The following HHIPL1 variants were observed in gnomAD, a reference collection of about 807,000 sequenced individuals.
HHIPL1 encodes HHIP like 1.
Under a neutral mutation model 61.8 loss-of-function variants are expected in HHIPL1, and 43 were observed. The observed-to-expected ratio is 0.70, with a 90% CI of 0.55 to 0.90. The LOEUF (loss-of-function observed/expected upper bound fraction) is 0.90, where lower values mean the gene tolerates loss of function less well. Ranked by LOEUF, HHIPL1 falls within the 40% of genes least tolerant of loss-of-function variation. The probability of loss-of-function intolerance (pLI) is 0.00; values close to 1 mark genes in which losing one functional copy is unlikely to be tolerated. For synonymous variants in HHIPL1, 482 were observed against 515.8 expected (o/e 0.93, Z 0.89); for missense variants, 1,056 against 1,157.7 (o/e 0.91, Z 1.28).
At chr14:99,648,909 A>G (rs1020394944) in intron 1 of HHIPL1, among the ~76,000 whole-genome samples, 3 of 152,200 alleles carry the variant, frequency 2.0e-5, no homozygotes, top group African/African-American at 7.2e-5. Context: ...TGTCAGTGAC[A>G]TGGGGGTGGC....
chr14:99,619,800 C>T, the HHIPL1 span, among the ~76,000 whole-genome samples: 2 of 151,436 alleles, frequency 1.3e-5, no homozygotes, highest in South Asian at 4.2e-4. Flanking sequence ...CGCTGCTGAG[C>T]GCCAGTTCTG....
chr14:99,637,232 GA>G, the HHIPL1 span, among the ~76,000 whole-genome samples: 1 of 147,788 alleles, frequency 6.8e-6, no homozygotes, highest in African/African-American at 2.6e-5. Flanking sequence ...AAGAAAGAAA[GA>G]AAGAAAGAAA....
chr14:99,661,528 C>T (rs1806721903), intron 5 of HHIPL1, among the ~76,000 whole-genome samples: 1 of 151,788 alleles, frequency 6.6e-6, no homozygotes, highest in Non-Finnish European at 1.5e-5. Context: ...AATGCAGTGG[C>T]ACAGTCTCAG....
At chr14:99,652,133 G>T in intron 1 of HHIPL1, 91 bp from the exon 2 acceptor site, 1 of 1,200,644 alleles carries the variant, frequency 8.3e-7, no homozygotes, top group South Asian at 1.5e-5. Context: ...TCAGCAGACT[G>T]AGGCTCTGAG....
the HHIPL1 span, among the ~76,000 whole-genome samples, chr14:99,618,178 C>A: frequency 6.7e-4 from 102 of 152,264 alleles, no homozygotes; most frequent in African/African-American, 2.4e-3. Flanking sequence ...TGGGGGTTGC[C>A]CTAGAGAGGG....
the HHIPL1 span, among the ~76,000 whole-genome samples, chr14:99,631,146 C>G: frequency 1.7e-4 from 25 of 144,010 alleles, no homozygotes; most frequent in Non-Finnish European, 3.0e-4. Flanking sequence ...TTGACAGAGT[C>G]TTGCTGTGTC....
chr14:99,638,721 C>A, the HHIPL1 span, among the ~76,000 whole-genome samples: 1 of 152,218 alleles, frequency 6.6e-6, no homozygotes. Context: ...TGCCAGGCAG[C>A]CTTTGTGGGC....
chr14:99,655,149 C>G (rs745753246), intron 2 of HHIPL1, among the ~76,000 whole-genome samples: 1 of 152,044 alleles, frequency 6.6e-6, no homozygotes, highest in African/African-American at 2.4e-5. Context: ...GGTGGATGAC[C>G]GAAAGTCTGA....
At chr14:99,642,975 T>A (rs1486173250), upstream of HHIPL1, among the ~76,000 whole-genome samples, 1 of 152,196 alleles carries the variant, frequency 6.6e-6, no homozygotes, top group Non-Finnish European at 1.5e-5. Flanking sequence ...TATTTTAAAT[T>A]CCATGTCTGG....
At chr14:99,671,386 C>T (rs1002524017) in intron 7 of HHIPL1, among the ~76,000 whole-genome samples, 1 of 152,232 alleles carries the variant, frequency 6.6e-6, no homozygotes, top group African/African-American at 2.4e-5. Flanking sequence ...AAAAAAACCT[C>T]GCTTTTCCTG....
upstream of HHIPL1, among the ~76,000 whole-genome samples, chr14:99,640,874 C>CTT (rs1178661799): frequency 1.4e-4 from 13 of 93,968 alleles, no homozygotes; most frequent in African/African-American, 4.7e-4. Flanking sequence ...TTTACTTCTT[C>CTT]TTCTTTTTTT....
chr14:99,632,872 G>GGT, the HHIPL1 span, among the ~76,000 whole-genome samples: 11,528 of 148,466 alleles, frequency 0.078, 861 homozygotes, highest in East Asian at 0.29. Flanking sequence ...TGGATAAATT[G>GGT]GTGTGTGTGT....
the HHIPL1 span, among the ~76,000 whole-genome samples, chr14:99,637,521 G>A: frequency 6.6e-6 from 1 of 151,850 alleles, no homozygotes; most frequent in South Asian, 2.1e-4. Flanking sequence ...GCAGTGAGCT[G>A]AGAGTGTGCC....
intron 2 of HHIPL1, among the ~76,000 whole-genome samples, chr14:99,653,246 G>A (rs922759821): frequency 2.0e-5 from 3 of 152,324 alleles, no homozygotes; most frequent in African/African-American, 7.2e-5. Flanking sequence ...GGGAGGGAGG[G>A]TCAGAGCTGG....
Position 99,675,686 on chromosome 14 carries a change from G to C in HHIPL1, c.*60G>C. ...GGGGGAGCCTGGCAGGGGCCGCTCC[G>C]CCCTGTGTGCGCCCAGCGGGTGCAC... On this transcript the variant is annotated 3_prime_UTR_variant, in exon 9 of 9. Transcript: ENST00000330710. This position sits in a 1 kb window ranked among gnomAD's most constrained non-coding sequence, Gnocchi z 5.4. The C allele has an allele frequency of 1.4e-6, 2 of 1,424,390 alleles. No homozygotes were observed. The highest frequency in any genetic ancestry group is 1.8e-6 in the Non-Finnish European group (2 of 1,081,704). The allele number at this position is 1,424,390 out of a possible 1,614,324, so 88.2% of individuals were successfully genotyped here. A position where few individuals can be genotyped will look rare whatever the true frequency, so the allele number is the denominator to read the frequency against.
intron 3 of HHIPL1, among the ~76,000 whole-genome samples, chr14:99,658,194 T>TA (rs2056083326): frequency 6.6e-6 from 1 of 152,220 alleles, no homozygotes; most frequent in South Asian, 2.1e-4. Flanking sequence ...GGGATGTGTT[T>TA]AGAGATGAAG....
the HHIPL1 span, among the ~76,000 whole-genome samples, chr14:99,608,599 C>T: frequency 6.6e-6 from 1 of 152,180 alleles, no homozygotes; most frequent in East Asian, 1.9e-4. Flanking sequence ...TGGTGGCTGA[C>T]CAGGTCTGGG....
At chr14:99,619,330 C>T in the HHIPL1 span, among the ~76,000 whole-genome samples, 12 of 151,632 alleles carry the variant, frequency 7.9e-5, no homozygotes, top group Admixed American at 3.3e-4. Flanking sequence ...GGTGTGGTGG[C>T]GGGCACCTGT....
chr14:99,611,679 C>T, the HHIPL1 span, among the ~76,000 whole-genome samples: 2 of 150,662 alleles, frequency 1.3e-5, no homozygotes, highest in Non-Finnish European at 2.9e-5. Context: ...CCTCCTGCCT[C>T]AGCCTCCTAA....
Sources: gnomAD v4.1 joint callset for allele counts (sites outside exome capture counted in the v4.1 genomes callset) on GRCh38, gnomAD v4.1.1 for gene constraint, Gnocchi (gnomAD v3.1) non-coding constraint, MANE v1.5 for transcripts, NCBI Gene and HGNC (gene_info 2026-07-23, HGNC 2026-07-21) for gene names.